The following PPP2R2B variants were observed in gnomAD, a reference collection of about 807,000 sequenced individuals.
The protein encoded by PPP2R2B is serine/threonine-protein phosphatase 2A 55 kDa regulatory subunit B beta isoform.
PPP2R2B carries 5 observed loss-of-function variants against 46.0 expected under a neutral mutation model. That is an observed-to-expected ratio of 0.11 (90% confidence interval 0.06 to 0.23). The LOEUF is 0.23. Among genes scored for constraint, PPP2R2B ranks in the 10% least tolerant of loss-of-function variants. PPP2R2B has a pLI of 1.00. For missense variants in PPP2R2B, 367 were observed against 575.0 expected (o/e 0.64, Z 3.70); for synonymous variants, 215 against 206.7 (o/e 1.04, Z -0.34).
At chr5:146,972,843 T>C (rs1392400880) in intron 1 of PPP2R2B, among the ~76,000 whole-genome samples, 1 of 152,230 alleles carries the variant, frequency 6.6e-6, no homozygotes, top group Non-Finnish European at 1.5e-5. Context: ...CATTTTTCTG[T>C]TGAACTTCTA....
intron 1 of PPP2R2B, among the ~76,000 whole-genome samples, chr5:146,988,071 C>T (rs1038133027): frequency 4.6e-5 from 7 of 151,910 alleles, no homozygotes; most frequent in African/African-American, 9.7e-5. Context: ...GAGGATATAA[C>T]AGTTGTAAAT....
intron 2 of PPP2R2B, among the ~76,000 whole-genome samples, chr5:146,742,802 T>C (rs1210838181): frequency 6.6e-6 from 1 of 152,058 alleles, no homozygotes; most frequent in African/African-American, 2.4e-5. Context: ...ATGACTAGTG[T>C]CCTTATAAAA....
upstream of PPP2R2B, among the ~76,000 whole-genome samples, chr5:146,879,961 AT>A (rs1762109139): frequency 6.6e-6 from 1 of 152,238 alleles, no homozygotes; most frequent in African/African-American, 2.4e-5. Flanking sequence ...CTATGAGTTA[AT>A]TATATACATA....
intron 5 of PPP2R2B, among the ~76,000 whole-genome samples, chr5:146,659,545 G>A (rs455375): frequency 0.94 from 143,347 of 152,240 alleles, 67,840 homozygotes; most frequent in East Asian, 1. Context: ...AGCACTGTTA[G>A]GAGAACTTAG....
At chr5:146,687,096 G>A (rs1358925691) in intron 5 of PPP2R2B, among the ~76,000 whole-genome samples, 1 of 151,412 alleles carries the variant, frequency 6.6e-6, no homozygotes, top group Admixed American at 6.6e-5. Context: ...GGGAGAGGAA[G>A]AGAGGGAGAG....
chr5:146,914,158 G>A (rs1349337776), intron 1 of PPP2R2B: 1 of 152,134 alleles, frequency 6.6e-6, no homozygotes, highest in African/African-American at 2.4e-5. Flanking sequence ...CATTATTTCA[G>A]AAAATGATGC....
chr5:146,785,359 C>A (rs1582098063), intron 2 of PPP2R2B, among the ~76,000 whole-genome samples: 1 of 152,102 alleles, frequency 6.6e-6, no homozygotes, highest in African/African-American at 2.4e-5. Flanking sequence ...CCAGCTTGGG[C>A]AACATAGTGA....
chr5:146,773,887 A>C (rs979258900), intron 2 of PPP2R2B, among the ~76,000 whole-genome samples: 1 of 152,176 alleles, frequency 6.6e-6, no homozygotes, highest in African/African-American at 2.4e-5. Context: ...TTGACAGCCT[A>C]CCTTCACAGA....
At chr5:146,811,844 G>C (rs1757571663) in intron 2 of PPP2R2B, among the ~76,000 whole-genome samples, 1 of 151,468 alleles carries the variant, frequency 6.6e-6, no homozygotes, top group African/African-American at 2.4e-5. Context: ...TGGGATTACA[G>C]GTGTGAGCCA....
At chr5:146,834,706 G>T (rs1431980117) in intron 2 of PPP2R2B, among the ~76,000 whole-genome samples, 4 of 147,304 alleles carry the variant, frequency 2.7e-5, no homozygotes, top group Non-Finnish European at 6.0e-5. Context: ...AATTGTGTGT[G>T]TTGAGACTTG....
intron 1 of PPP2R2B, among the ~76,000 whole-genome samples, chr5:146,903,228 A>G (rs1198805338): frequency 6.6e-6 from 1 of 152,208 alleles, no homozygotes; most frequent in Non-Finnish European, 1.5e-5. Context: ...GAATTAATAA[A>G]TAATTTAACT....
intron 2 of PPP2R2B, among the ~76,000 whole-genome samples, chr5:146,799,407 A>G (rs1380358147): frequency 1.3e-5 from 2 of 152,190 alleles, no homozygotes; most frequent in African/African-American, 4.8e-5. Flanking sequence ...GTGTGAAACC[A>G]ATTAGGGTTT....
intron 2 of PPP2R2B, among the ~76,000 whole-genome samples, chr5:146,840,077 A>G (rs1416640959): frequency 2.6e-5 from 4 of 152,262 alleles, no homozygotes. Flanking sequence ...GAGAGCTAAA[A>G]TGAAAAGTTA....
chr5:146,587,688 A>C lies in PPP2R2B; in HGVS notation c.*2259T>G, dbSNP rs564828549. 2 of 152,366 alleles carry C rather than the reference A, an allele frequency of 1.3e-5. No homozygotes were observed. Among genetic ancestry groups the C allele is most frequent in the South Asian group, 4.1e-4 (2 of 4,830 alleles). 9.4% of individuals were successfully genotyped at this position (152,366 alleles called of 1,614,324 possible). On this transcript the variant is annotated 3_prime_UTR_variant, in exon 10 of 10. Transcript: ENST00000394411. ...GATACACATGCTCCTGGTGGTTCAC[A>C]AAATGATTTCAGGTGGTATGTGGGT...
chr5:146,778,207 A>G (rs1755304578), intron 2 of PPP2R2B, among the ~76,000 whole-genome samples: 1 of 152,182 alleles, frequency 6.6e-6, no homozygotes, highest in Non-Finnish European at 1.5e-5. Context: ...ATTCTTTGCT[A>G]TAAATCTCTT....
chr5:146,681,608 A>G (rs1778179209), intron 5 of PPP2R2B, among the ~76,000 whole-genome samples: 1 of 152,202 alleles, frequency 6.6e-6, no homozygotes, highest in Non-Finnish European at 1.5e-5. Flanking sequence ...CTTCCTTTGA[A>G]AAGTATACAG....
intron 5 of PPP2R2B, among the ~76,000 whole-genome samples, chr5:146,660,018 A>T (rs1470166154): frequency 6.6e-6 from 1 of 152,208 alleles, no homozygotes. Context: ...GTCATTGGAT[A>T]GAGATTAACT....
chr5:147,025,196 T>G lies in PPP2R2B; in HGVS notation c.79+30469A>C, dbSNP rs187122520. 5.9e-5 allele frequency among the ~76,000 whole-genome samples: 9 copies of G among 152,156 alleles called. No homozygotes were observed. In the East Asian group the frequency reaches 1.7e-3, roughly 29 times the overall value. On this transcript the variant is annotated intron_variant, in intron 1 of 8. Coordinates refer to the PPP2R2B transcript ENST00000336640. Reference sequence around the variant, plus strand: ...TTCCAGTTCAGAGGAAATAGACAATTTCTAAGATACAATTTAACAAAACTG... The same window carrying G: ...TTCCAGTTCAGAGGAAATAGACAATGTCTAAGATACAATTTAACAAAACTG...
chr5:146,894,731 C>T (rs1237846352), intron 1 of PPP2R2B, among the ~76,000 whole-genome samples: 1 of 152,206 alleles, frequency 6.6e-6, no homozygotes, highest in Non-Finnish European at 1.5e-5. Context: ...TGAGCCACCA[C>T]ACCTAGCCTG....
Sources: gnomAD v4.1 joint callset for allele counts (sites outside exome capture counted in the v4.1 genomes callset) on GRCh38, gnomAD v4.1.1 for gene constraint, MANE v1.5 for transcripts, NCBI Gene and HGNC (gene_info 2026-07-23, HGNC 2026-07-21) for gene names.